Variants in SRPK2 observed in about 807,000 individuals in gnomAD.
The protein encoded by SRPK2 is SFRS protein kinase 2.
A neutral mutation model predicts 90.8 loss-of-function variants in SRPK2; 21 were observed. That is an observed-to-expected ratio of 0.23 (90% CI 0.16 to 0.33). The LOEUF is 0.33. Ranked by LOEUF, SRPK2 falls within the 10% of genes least tolerant of loss-of-function variation. The pLI is 1.00. For synonymous variants in SRPK2, 288 were observed against 311.1 expected (o/e 0.93, Z 0.78); for missense variants, 620 against 869.0 (o/e 0.71, Z 3.60).
At chr7:105,250,742 C>T (rs1365347645) in intron 2 of SRPK2, among the ~76,000 whole-genome samples, 1 of 152,202 alleles carries the variant, frequency 6.6e-6, no homozygotes, top group Non-Finnish European at 1.5e-5. Flanking sequence ...CCAAATTCAT[C>T]ATGAATATCT....
intron 2 of SRPK2, among the ~76,000 whole-genome samples, chr7:105,372,715 GA>G (rs1191355894): frequency 3.9e-5 from 6 of 152,116 alleles, no homozygotes; most frequent in Non-Finnish European, 8.8e-5. Context: ...TCCAGGTAAT[GA>G]TTTTTTTTAA....
chr7:105,306,493 A>C (rs1462668500), intron 2 of SRPK2: 1 of 454,996 alleles, frequency 2.2e-6, no homozygotes, highest in East Asian at 6.9e-5. Context: ...GCAAAAAAAA[A>C]ACCAACACTT....
At chr7:105,367,695 AC>A (rs145816953) in intron 2 of SRPK2, among the ~76,000 whole-genome samples, 2,380 of 152,300 alleles carry the variant, frequency 0.016, 63 homozygotes, top group African/African-American at 0.053. Context: ...TTAACACTGC[AC>A]CTTTATGTTT....
At chr7:105,297,474 G>A in intron 2 of SRPK2, 1 of 985,310 alleles carries the variant, frequency 1.0e-6, no homozygotes, top group Non-Finnish European at 1.2e-6. Flanking sequence ...CTGATATGGT[G>A]GCCATCTGGC....
intron 2 of SRPK2, among the ~76,000 whole-genome samples, chr7:105,282,142 T>A (rs1441335713): frequency 2.6e-5 from 4 of 152,184 alleles, no homozygotes; most frequent in African/African-American, 9.7e-5. Flanking sequence ...CAATGAAAGA[T>A]AACGGAAAGT....
At chr7:105,392,987 A>ATTT, upstream of SRPK2, among the ~76,000 whole-genome samples, 1 of 95,014 alleles carries the variant, frequency 1.1e-5, no homozygotes, top group Non-Finnish European at 2.2e-5. Context: ...TAATTTTTGT[A>ATTT]TTTTTTTTTT....
chr7:105,269,013 T>C (rs1805473877), intron 2 of SRPK2: 3 of 1,362,798 alleles, frequency 2.2e-6, no homozygotes, highest in Non-Finnish European at 1.9e-6. Flanking sequence ...TGGGATTCAA[T>C]GGTGCTATAA....
chr7:105,386,869 C>G (rs1445779080), intron 2 of SRPK2, among the ~76,000 whole-genome samples: 1 of 152,182 alleles, frequency 6.6e-6, no homozygotes, highest in African/African-American at 2.4e-5. Context: ...TTTTCCCCCT[C>G]AAATTCTATC....
At chr7:105,308,814 T>C (rs1362652102) in intron 2 of SRPK2, among the ~76,000 whole-genome samples, 6 of 152,206 alleles carry the variant, frequency 3.9e-5, no homozygotes, top group African/African-American at 9.7e-5. Flanking sequence ...CATAAGTACT[T>C]AGATTACTTA....
In SRPK2 at chr7:105,354,417, G is replaced by A. The variant is rs920997308; in HGVS notation, c.71+34231C>T. Among the ~76,000 whole-genome samples the A allele has an allele frequency of 2.6e-5, 4 of 152,084 alleles. No individual in the cohort carries two copies. The South Asian group carries it at 6.2e-4, about 24-fold the overall frequency. ...CAGGCTGTGGGTCCTTTCCCCTAAC[G>A]AATCACTCCAGGTAGTAGCCCACAG... On this transcript the variant is annotated intron_variant, in intron 2 of 15. Coordinates refer to ENST00000393651, the MANE Select transcript of SRPK2 (RefSeq NM_182692.3).
At chr7:105,181,385 A>C (rs1430631242) in intron 3 of SRPK2, among the ~76,000 whole-genome samples, 1 of 152,230 alleles carries the variant, frequency 6.6e-6, no homozygotes, top group South Asian at 2.1e-4. Context: ...AAAGGAATAT[A>C]AACTGTTCTA....
intron 2 of SRPK2, among the ~76,000 whole-genome samples, chr7:105,359,954 A>C (rs1178118797): frequency 6.6e-6 from 1 of 152,120 alleles, no homozygotes; most frequent in Non-Finnish European, 1.5e-5. Context: ...TGTCTCGTTG[A>C]TCTGTCTAAT....
chr7:105,397,145 G>A (rs941028973), intron 1 of SRPK2, among the ~76,000 whole-genome samples: 3 of 151,780 alleles, frequency 2.0e-5, no homozygotes, highest in Non-Finnish European at 4.4e-5. Flanking sequence ...AGCTTCCCGA[G>A]TAGCTGGGAC....
intron 2 of SRPK2, among the ~76,000 whole-genome samples, chr7:105,215,836 C>A (rs1797394651): frequency 6.6e-6 from 1 of 151,956 alleles, no homozygotes; most frequent in Admixed American, 6.6e-5. Context: ...TGGAGGGGTA[C>A]AGAAAATAGG....
intron 2 of SRPK2, among the ~76,000 whole-genome samples, chr7:105,377,965 A>G (rs1378223601): frequency 6.6e-6 from 1 of 152,080 alleles, no homozygotes; most frequent in Non-Finnish European, 1.5e-5. Flanking sequence ...GCCTCTAAGC[A>G]ACTCCCCACA....
Position 105,126,336 on chromosome 7 carries a change from G to A in SRPK2, c.1827C>T (p.His609=). Residue 609 remains histidine, a synonymous_variant, in exon 15 of 16, where the codon CAC becomes CAT. Transcript: ENST00000393651. Reference sequence around the variant, plus strand: ...CTAGCAGCTCTATGATGTGGGCTATGTGGTCTATGGAGGAGAGAAAAAAAG... The same window carrying A: ...CTAGCAGCTCTATGATGTGGGCTATATGGTCTATGGAGGAGAGAAAAAAAG... ...SGEDYSRDED[H]IAHIIELLGS... 1 of 1,613,242 alleles carries A rather than the reference G, an allele frequency of 6.2e-7. No homozygotes were observed. Among genetic ancestry groups the A allele is most frequent in the Non-Finnish European group, 8.5e-7 (1 of 1,179,180 alleles).
At chr7:105,282,515 T>C (rs1468498838) in intron 2 of SRPK2, among the ~76,000 whole-genome samples, 3 of 152,156 alleles carry the variant, frequency 2.0e-5, no homozygotes, top group Non-Finnish European at 2.9e-5. Flanking sequence ...AAAGACATTA[T>C]CAAAGGGCCA....
At chr7:105,157,624 A>T (rs1167093717) in intron 7 of SRPK2, among the ~76,000 whole-genome samples, 3 of 152,210 alleles carry the variant, frequency 2.0e-5, no homozygotes, top group Admixed American at 1.3e-4. Context: ...CAAAACCAAA[A>T]CCAAACCAAA....
chr7:105,237,704 G>A (rs1041836964), intron 2 of SRPK2, among the ~76,000 whole-genome samples: 7 of 152,202 alleles, frequency 4.6e-5, no homozygotes, highest in African/African-American at 7.2e-5. Flanking sequence ...CACAAAGACC[G>A]AATGGGGATA....
Sources: gnomAD v4.1 joint callset for allele counts (sites outside exome capture counted in the v4.1 genomes callset) on GRCh38, gnomAD v4.1.1 for gene constraint, MANE v1.5 for transcripts, NCBI Gene and HGNC (gene_info 2026-07-23, HGNC 2026-07-21) for gene names.